FRMPD3: variants seen among roughly 807,000 people sequenced by gnomAD.
FRMPD3 encodes the protein FERM and PDZ domain-containing protein 3.
A neutral mutation model predicts 97.9 loss-of-function variants in FRMPD3; 42 were observed. The observed-to-expected ratio is 0.43, with a 90% CI of 0.34 to 0.55. FRMPD3 has a LOEUF of 0.55. Ranked by LOEUF, FRMPD3 falls within the 20% of genes least tolerant of loss-of-function variation. FRMPD3 has a pLI of 0.03. For missense variants in FRMPD3, 1,303 were observed against 1,457.7 expected (o/e 0.89, Z 1.73); for synonymous variants, 577 against 581.1 (o/e 0.99, Z 0.10).
At chrX:107,532,553 A>T (rs1923015621) in intron 3 of FRMPD3, among the ~76,000 whole-genome samples, 1 of 112,425 alleles carries the variant, frequency 8.9e-6, no homozygotes, top group African/African-American at 3.2e-5. Flanking sequence ...CCTGTTCAAG[A>T]TAAAGGATTT....
chrX:107,601,272 C>T lies in FRMPD3; in HGVS notation c.3233C>T (p.Thr1078Ile), dbSNP rs1182102443. The T allele has an allele frequency of 3.2e-5, 39 of 1,208,012 alleles. No homozygotes were observed. The highest frequency in any genetic ancestry group is 4.1e-5 in the Non-Finnish European group (37 of 893,964). The change falls in exon 15 of 15, where the codon ACA becomes ATA. Residue 1078 changes from threonine (T) to isoleucine (I), a missense_variant. Thr to Ile is a moderately conservative substitution (Grantham distance 89). Around this residue, in one of 3 missense-constraint regions of FRMPD3, gnomAD observed 764 missense variants for 820.2 expected, o/e 0.93. Transcript: ENST00000683843. ...CGAGAGTCAGTGGGCAAGCAAGCTA[C>T]AGGGGAGGTGGCAGGCAAAGGCGGG... ...TSRESVGKQA[T>I]GEVAGKGGPV... is the part of the protein sequence containing the mutation.
Position 107,603,579 on chromosome X carries a change from C to CAGGG in FRMPD3, c.*206_*207insAGGG. On this transcript the variant is annotated 3_prime_UTR_variant, in exon 15 of 15. Transcript: ENST00000683843. ...AGCTGCCGCCCTGGGTGTCCTCACCCCTTCCCTGGCCTCTGGGCCTCACTG... is the reference window on the plus strand; with the variant it reads ...AGCTGCCGCCCTGGGTGTCCTCACCCAGGGCTTCCCTGGCCTCTGGGCCTCACTG... 2 of 733,287 alleles carry CAGGG rather than the reference C, an allele frequency of 2.7e-6. No homozygotes were observed. Among genetic ancestry groups the CAGGG allele is most frequent in the Non-Finnish European group, 3.7e-6 (2 of 533,943 alleles). 60.4% of individuals were successfully genotyped at this position (733,287 alleles called of 1,213,427 possible). A position where few individuals can be genotyped will look rare whatever the true frequency, so the allele number is the denominator to read the frequency against.
At chrX:107,538,560 A>AAG (rs1556216007) in intron 4 of FRMPD3, among the ~76,000 whole-genome samples, 6 of 108,351 alleles carry the variant, frequency 5.5e-5, no homozygotes, top group African/African-American at 2.0e-4. Context: ...AAAAAAAAAA[A>AAG]AAAAACCACT....
intron 4 of FRMPD3, among the ~76,000 whole-genome samples, chrX:107,542,724 G>T (rs1312473188): frequency 8.9e-6 from 1 of 112,446 alleles, no homozygotes; most frequent in Non-Finnish European, 1.9e-5. Context: ...GTGGCTGATT[G>T]GGTAAATGAA....
intron 1 of FRMPD3, among the ~76,000 whole-genome samples, chrX:107,459,276 G>A (rs1277921261): frequency 8.9e-6 from 1 of 112,542 alleles, no homozygotes; most frequent in Non-Finnish European, 1.9e-5. Flanking sequence ...CTGAGAGCTG[G>A]TAAGAGTGAG....
chrX:107,531,329 T>A (rs1922956009), intron 3 of FRMPD3, among the ~76,000 whole-genome samples: 1 of 109,107 alleles, frequency 9.2e-6, no homozygotes, highest in South Asian at 4.1e-4. Flanking sequence ...TCTCTCACTC[T>A]CCTTTTCTCT....
intron 1 of FRMPD3, among the ~76,000 whole-genome samples, chrX:107,481,828 G>C (rs905661941): frequency 8.9e-6 from 1 of 112,379 alleles, no homozygotes; most frequent in Admixed American, 9.4e-5. Context: ...TGTAAGCAAG[G>C]GTTAATGCAG....
At chrX:107,475,701 C>T (rs765711037) in intron 1 of FRMPD3, among the ~76,000 whole-genome samples, 1 of 111,926 alleles carries the variant, frequency 8.9e-6, no homozygotes, top group Admixed American at 9.5e-5. Context: ...TAAATATCAG[C>T]CATAATATTT....
chrX:107,556,664 A>G (rs1259048319), intron 8 of FRMPD3, among the ~76,000 whole-genome samples: 3 of 111,977 alleles, frequency 2.7e-5, no homozygotes, highest in Non-Finnish European at 3.8e-5. Context: ...GCTTTCTGTC[A>G]CTATAGATTA....
intron 1 of FRMPD3, among the ~76,000 whole-genome samples, chrX:107,461,083 C>T (rs774762822): frequency 3.6e-5 from 4 of 111,760 alleles, no homozygotes; most frequent in Non-Finnish European, 5.6e-5. Flanking sequence ...TTTCTTCCCC[C>T]GACCCGCTTT....
chrX:107,518,074 G>A (rs1189222123), intron 1 of FRMPD3, among the ~76,000 whole-genome samples: 1 of 110,970 alleles, frequency 9.0e-6, no homozygotes, highest in Non-Finnish European at 1.9e-5. Flanking sequence ...GATAGACCAG[G>A]AACTCTAAGC....
chrX:107,546,179 C>T (rs1921588577), intron 5 of FRMPD3, among the ~76,000 whole-genome samples: 1 of 111,975 alleles, frequency 8.9e-6, no homozygotes, highest in South Asian at 3.8e-4. Flanking sequence ...TAATGGCTTC[C>T]TGAAGACTCA....
intron 10 of FRMPD3, among the ~76,000 whole-genome samples, chrX:107,561,597 G>GT (rs1922366220): frequency 9.0e-6 from 1 of 111,638 alleles, no homozygotes; most frequent in African/African-American, 3.3e-5. Flanking sequence ...TCTTAGCTTT[G>GT]TAAGATTCAA....
intron 1 of FRMPD3, among the ~76,000 whole-genome samples, chrX:107,490,445 G>A (rs1387522896): frequency 8.9e-6 from 1 of 111,833 alleles, no homozygotes; most frequent in Non-Finnish European, 1.9e-5. Context: ...CCATTTTCAC[G>A]ATATTGATTC....
intron 5 of FRMPD3, among the ~76,000 whole-genome samples, chrX:107,549,353 G>A (rs1393026243): frequency 9.0e-6 from 1 of 111,401 alleles, no homozygotes; most frequent in Non-Finnish European, 1.9e-5. Context: ...AAAAGAAAAT[G>A]TCTGAGGGTG....
At chrX:107,522,434 G>A (rs773200421) in intron 1 of FRMPD3, 6 of 558,441 alleles carry the variant, frequency 1.1e-5, no homozygotes, top group Non-Finnish European at 1.9e-5. Context: ...TGACTGTAGG[G>A]TTGGGGCAGC....
At chrX:107,475,630 T>G (rs191666559) in intron 1 of FRMPD3, among the ~76,000 whole-genome samples, 1 of 112,543 alleles carries the variant, frequency 8.9e-6, no homozygotes, top group South Asian at 3.7e-4. Context: ...CTCTTTCTTG[T>G]CTTAGAATGT....
At chrX:107,478,832 A>T (rs1049723319) in intron 1 of FRMPD3, among the ~76,000 whole-genome samples, 1 of 112,103 alleles carries the variant, frequency 8.9e-6, no homozygotes. Flanking sequence ...GAGACTAAGC[A>T]GCTCAAACAT....
chrX:107,536,153 A>T (rs1923227113), intron 4 of FRMPD3, among the ~76,000 whole-genome samples: 2 of 111,359 alleles, frequency 1.8e-5, no homozygotes, highest in South Asian at 3.8e-4. Flanking sequence ...GGAATTTGAG[A>T]TCAGCCTGAA....
Sources: allele counts gnomAD v4.1 joint callset (sites outside exome capture counted in the v4.1 genomes callset), GRCh38; gene constraint gnomAD v4.1.1; regional missense constraint gnomAD v4.1.1; transcripts MANE v1.5; gene names NCBI Gene and HGNC (gene_info 2026-07-23, HGNC 2026-07-21).